CNTNAP2: variants seen among roughly 807,000 people sequenced by gnomAD.
The protein encoded by CNTNAP2 is contactin associated protein 2, also known as contactin-associated protein-like 2.
A neutral mutation model predicts 155.2 loss-of-function variants in CNTNAP2; 98 were observed. The ratio of observed to expected loss-of-function variants is 0.63; its 90% CI spans 0.54 to 0.75. The LOEUF (loss-of-function observed/expected upper bound fraction) is 0.75, where lower values mean the gene tolerates loss of function less well. Among genes scored for constraint, CNTNAP2 ranks in the 30% least tolerant of loss-of-function variants. The pLI, the probability that CNTNAP2 is intolerant of heterozygous loss-of-function variation, is 0.00. For missense variants in CNTNAP2, 1,727 were observed against 1,688.1 expected (o/e 1.02, Z -0.40); for synonymous variants, 651 against 631.2 (o/e 1.03, Z -0.47).
chr7:146,332,011 G>T (rs1165663094), intron 1 of CNTNAP2, among the ~76,000 whole-genome samples: 2 of 151,744 alleles, frequency 1.3e-5, no homozygotes, highest in Middle Eastern at 3.2e-3. Flanking sequence ...TTATTACCAC[G>T]TACATATATA....
chr7:147,855,580 A>G (rs570997150), intron 13 of CNTNAP2, among the ~76,000 whole-genome samples: 63 of 152,208 alleles, frequency 4.1e-4, no homozygotes, highest in Middle Eastern at 3.4e-3. Context: ...TGAGATCAGG[A>G]GTTTGAGACC....
chr7:147,354,103 A>G (rs562125663), intron 9 of CNTNAP2, among the ~76,000 whole-genome samples: 3 of 152,084 alleles, frequency 2.0e-5, no homozygotes, highest in African/African-American at 7.2e-5. Flanking sequence ...CACTCTGATG[A>G]TAGTTTCTTT....
chr7:148,017,564 A>G (rs938250297), intron 15 of CNTNAP2, among the ~76,000 whole-genome samples: 11 of 152,340 alleles, frequency 7.2e-5, no homozygotes, highest in African/African-American at 2.2e-4. Flanking sequence ...TCTATTCTGT[A>G]TATATGTTCT....
intron 14 of CNTNAP2, among the ~76,000 whole-genome samples, chr7:147,930,300 AACG>A (rs984808823): frequency 6.6e-5 from 10 of 152,318 alleles, no homozygotes; most frequent in African/African-American, 2.4e-4. Context: ...TGAAAACAAC[AACG>A]ACAAAAGATC....
chr7:147,953,411 A>T (rs927991993), intron 14 of CNTNAP2, among the ~76,000 whole-genome samples: 24 of 151,234 alleles, frequency 1.6e-4, no homozygotes, highest in Non-Finnish European at 3.5e-4. Flanking sequence ...CTTCTAAGAA[A>T]TACGATTCTC....
intron 1 of CNTNAP2, among the ~76,000 whole-genome samples, chr7:146,638,699 A>G (rs971205674): frequency 1.3e-5 from 2 of 151,422 alleles, no homozygotes; most frequent in African/African-American, 4.8e-5. Context: ...GTTAGCCAGG[A>G]TGGTCTTGAT....
At chr7:147,827,512 A>G (rs752007833) in intron 13 of CNTNAP2, among the ~76,000 whole-genome samples, 54 of 152,238 alleles carry the variant, frequency 3.5e-4, no homozygotes, top group Non-Finnish European at 5.3e-4. Context: ...CACAAGATCT[A>G]CTAAACAAAT....
At chr7:146,954,402 T>A (rs1009079108) in intron 3 of CNTNAP2, among the ~76,000 whole-genome samples, 22 of 151,978 alleles carry the variant, frequency 1.4e-4, no homozygotes, top group Admixed American at 1.4e-3. Context: ...ATGAAAAAAG[T>A]CTGTGCATAT....
At chr7:148,247,627 ATT>A (rs1796292033) in intron 20 of CNTNAP2, among the ~76,000 whole-genome samples, 1 of 67,908 alleles carries the variant, frequency 1.5e-5, no homozygotes, top group African/African-American at 7.0e-5. Flanking sequence ...CTCTCTCTCT[ATT>A]TATTTATTTA....
At chr7:146,450,866 C>A (rs1442294550) in intron 1 of CNTNAP2, among the ~76,000 whole-genome samples, 2 of 152,032 alleles carry the variant, frequency 1.3e-5, no homozygotes, top group Non-Finnish European at 2.9e-5. Context: ...AATAACACAT[C>A]ACGTAGATTG....
At chr7:147,335,622 G>A (rs747139) in intron 9 of CNTNAP2, among the ~76,000 whole-genome samples, 2 of 151,750 alleles carry the variant, frequency 1.3e-5, no homozygotes, top group African/African-American at 2.4e-5. Context: ...AAACAGAGAC[G>A]GAGGAAATCT....
intron 1 of CNTNAP2, among the ~76,000 whole-genome samples, chr7:146,221,511 A>G (rs1799208713): frequency 6.6e-6 from 1 of 152,194 alleles, no homozygotes; most frequent in Non-Finnish European, 1.5e-5. Context: ...CAAATTATTG[A>G]TAACCCTCCA....
intron 8 of CNTNAP2, among the ~76,000 whole-genome samples, chr7:147,142,098 T>C (rs1420832126): frequency 6.6e-6 from 1 of 152,126 alleles, no homozygotes; most frequent in Non-Finnish European, 1.5e-5. Flanking sequence ...TGGCCAGAAC[T>C]TCCAACACTG....
intron 3 of CNTNAP2, among the ~76,000 whole-genome samples, chr7:146,902,360 ATT>A (rs1223813627): frequency 6.6e-6 from 1 of 152,090 alleles, no homozygotes; most frequent in Admixed American, 6.5e-5. Flanking sequence ...CTTCATCCAT[ATT>A]TCAAAGAAGC....
At chr7:146,149,439 A>G (rs1798004373) in intron 1 of CNTNAP2, among the ~76,000 whole-genome samples, 1 of 152,138 alleles carries the variant, frequency 6.6e-6, no homozygotes, top group Non-Finnish European at 1.5e-5. Context: ...TTGAAAGTTC[A>G]CAGAAAGAAT....
At chr7:147,526,119 G>A (rs1445148500) in intron 11 of CNTNAP2, among the ~76,000 whole-genome samples, 1 of 150,924 alleles carries the variant, frequency 6.6e-6, no homozygotes, top group Non-Finnish European at 1.5e-5. Flanking sequence ...TTGAACATGG[G>A]AGGAGGAGGT....
rs1221666617 is a variant in CNTNAP2 at position 147,516,848 on chromosome 7, CT to C, written c.1777+30825del. On this transcript the variant is annotated intron_variant, in intron 11 of 23. Transcript: ENST00000361727. ...AAAATGTAATTAATTTCTTTCTTTT[CT>C]TTTTTTTTTTTTTTTTTGCGTGTGT... Among the ~76,000 whole-genome samples, 255 of 112,606 alleles carry C rather than the reference CT, an allele frequency of 2.3e-3. 1 individual carries two copies. The highest frequency in any genetic ancestry group is 0.013 in the South Asian group (44 of 3,366). The allele number at this position is 112,606 out of a possible 152,430, so 73.9% of individuals were successfully genotyped here.
At position 148,065,463 on chromosome 7, in the gene CNTNAP2, A is replaced by T. The variant is rs764621121; in HGVS notation, c.2384-52655A>T. Among the ~76,000 whole-genome samples the T allele has an allele frequency of 1.3e-4, 20 of 152,224 alleles. 1 individual carries two copies. The South Asian group carries it at 1.5e-3, about 11-fold the overall frequency. ...GTAGTAATTATTGTCCAAATTTGGGATCCCCAGTGTTAGGTGCATATATAT... is the reference window on the plus strand; with the variant it reads ...GTAGTAATTATTGTCCAAATTTGGGTTCCCCAGTGTTAGGTGCATATATAT... On this transcript the variant is annotated intron_variant, in intron 15 of 23. Coordinates refer to ENST00000361727, the MANE Select transcript of CNTNAP2 (RefSeq NM_014141.6).
At chr7:146,639,018 TA>T (rs1799660502) in intron 1 of CNTNAP2, among the ~76,000 whole-genome samples, 4 of 152,188 alleles carry the variant, frequency 2.6e-5, no homozygotes, top group Admixed American at 2.6e-4. Flanking sequence ...AAAACTTATC[TA>T]AAATAGAAAA....
Sources: allele counts gnomAD v4.1 joint callset (sites outside exome capture counted in the v4.1 genomes callset), GRCh38; gene constraint gnomAD v4.1.1; transcripts MANE v1.5; gene names NCBI Gene and HGNC (gene_info 2026-07-23, HGNC 2026-07-21).